TCF7L1: variants seen among roughly 807,000 people sequenced by gnomAD.
TCF7L1 encodes the protein transcription factor 7 like 1.
In TCF7L1, 18 loss-of-function variants were observed where a neutral mutation model predicts 63.7. The ratio of observed to expected loss-of-function variants is 0.28; its 90% CI spans 0.20 to 0.42. The LOEUF (loss-of-function observed/expected upper bound fraction) is 0.42. TCF7L1 is among the 10% of genes least tolerant of loss of function. TCF7L1 has a pLI of 1.00. For synonymous variants in TCF7L1, 355 were observed against 340.9 expected (o/e 1.04, Z -0.46); for missense variants, 654 against 779.3 (o/e 0.84, Z 1.91).
intron 3 of TCF7L1, among the ~76,000 whole-genome samples, chr2:85,243,881 CT>C (rs983230212): frequency 6.6e-6 from 1 of 152,188 alleles, no homozygotes; most frequent in African/African-American, 2.4e-5. Context: ...ACAGCACCCC[CT>C]GGGGGTGGGA....
chr2:85,219,684 A>G (rs968689615), intron 3 of TCF7L1, among the ~76,000 whole-genome samples: 1 of 152,208 alleles, frequency 6.6e-6, no homozygotes, highest in Non-Finnish European at 1.5e-5. Flanking sequence ...GTTTAAGACC[A>G]GCATGGGCAG....
chr2:85,304,119 C>A (rs1342771670), intron 6 of TCF7L1, 122 bp downstream of exon 6: 4 of 1,186,984 alleles, frequency 3.4e-6, no homozygotes, highest in Non-Finnish European at 4.9e-6. Context: ...GGCCTCCCTG[C>A]CCCCGCCCAG....
chr2:85,150,426 A>G (rs1307934354), intron 3 of TCF7L1, among the ~76,000 whole-genome samples: 3 of 151,820 alleles, frequency 2.0e-5, no homozygotes, highest in Non-Finnish European at 4.4e-5. Flanking sequence ...TAGAGACGGG[A>G]TTTCACCGTG....
chr2:85,195,063 T>C (rs747300381), intron 3 of TCF7L1, among the ~76,000 whole-genome samples: 1 of 152,224 alleles, frequency 6.6e-6, no homozygotes, highest in Non-Finnish European at 1.5e-5. Context: ...CCCTATGGCG[T>C]AGTGGCTGGG....
In TCF7L1 at chr2:85,258,395, T is replaced by C. The variant is rs149310562; in HGVS notation, c.442-25100T>C. ...CCCTGGACGTGCACCAAGCCACTGGTGTGCACACCTATAGGTTGAGATAGG... is the reference window on the plus strand; with the variant it reads ...CCCTGGACGTGCACCAAGCCACTGGCGTGCACACCTATAGGTTGAGATAGG... On this transcript the variant is annotated intron_variant, in intron 3 of 11. Coordinates refer to ENST00000282111, the MANE Select transcript of TCF7L1 (RefSeq NM_031283.3). 5.4e-3 allele frequency among the ~76,000 whole-genome samples: 815 copies of C among 152,228 alleles called. 6 individuals carry two copies. Among genetic ancestry groups the C allele is most frequent in the African/African-American group, 0.019 (782 of 41,522 alleles).
chr2:85,151,544 A>C (rs963095930), intron 3 of TCF7L1, among the ~76,000 whole-genome samples: 20 of 152,158 alleles, frequency 1.3e-4, no homozygotes, highest in Non-Finnish European at 2.6e-4. Flanking sequence ...CCTCATTTGC[A>C]GTTTCAAAAT....
chr2:85,180,514 G>C (rs1678779709), intron 3 of TCF7L1, among the ~76,000 whole-genome samples: 1 of 152,118 alleles, frequency 6.6e-6, no homozygotes, highest in Non-Finnish European at 1.5e-5. Flanking sequence ...ACCCCACACA[G>C]ATTTCTTGTG....
At chr2:85,148,880 TTCTC>T (rs1677942656) in intron 3 of TCF7L1, among the ~76,000 whole-genome samples, 1 of 151,056 alleles carries the variant, frequency 6.6e-6, no homozygotes, top group Admixed American at 6.6e-5. Context: ...GTTCAAGCGA[TTCTC>T]TCTCCTGCCT....
intron 3 of TCF7L1, among the ~76,000 whole-genome samples, chr2:85,241,437 G>GTTTTTTTTTTTTT (rs772334481): frequency 3.6e-5 from 3 of 83,068 alleles, no homozygotes; most frequent in Admixed American, 1.5e-4. Context: ...CTTTGTTTTT[G>GTTTTTTTTTTTTT]TTTTTTTTTT....
At chr2:85,248,204 G>A (rs574598381) in intron 3 of TCF7L1, among the ~76,000 whole-genome samples, 9 of 152,270 alleles carry the variant, frequency 5.9e-5, no homozygotes, top group Admixed American at 4.6e-4. Flanking sequence ...AAAGGCACAT[G>A]TTCCCCAAAT....
chr2:85,267,474 C>A (rs140963649), intron 3 of TCF7L1, among the ~76,000 whole-genome samples: 1,771 of 151,418 alleles, frequency 0.012, 28 homozygotes, highest in African/African-American at 0.041. Context: ...ACATGGTGAA[C>A]CCCTGTCTTT....
At chr2:85,281,616 G>A (rs2104366688) in intron 3 of TCF7L1, among the ~76,000 whole-genome samples, 1 of 152,264 alleles carries the variant, frequency 6.6e-6, no homozygotes, top group East Asian at 1.9e-4. Context: ...AGAGGACAGG[G>A]ACAGAGGTGA....
chr2:85,176,279 GTT>G (rs1252377108), intron 3 of TCF7L1, among the ~76,000 whole-genome samples: 2 of 152,190 alleles, frequency 1.3e-5, no homozygotes, highest in African/African-American at 4.8e-5. Flanking sequence ...CTGACCATAT[GTT>G]TACACTGCAG....
In TCF7L1 at chr2:85,306,907, G is replaced by A. The variant is rs1318741101; in HGVS notation, c.1257+348G>A. Among the ~76,000 whole-genome samples, 2 of 152,094 alleles carry A rather than the reference G, an allele frequency of 1.3e-5. No individual in the cohort carries two copies. Among genetic ancestry groups the A allele is most frequent in the South Asian group, 2.1e-4 (1 of 4,826 alleles). ...TCTCGAGCTCCTGACCTCGTGATCCGCCCACCTCGGCCTCCCAAAGCGCTG... is the reference window on the plus strand; with the variant it reads ...TCTCGAGCTCCTGACCTCGTGATCCACCCACCTCGGCCTCCCAAAGCGCTG... On this transcript the variant is annotated intron_variant, in intron 10 of 11. Coordinates refer to ENST00000282111, the MANE Select transcript of TCF7L1 (RefSeq NM_031283.3). The surrounding 1 kb of genome is among the most constrained non-coding windows in gnomAD (Gnocchi z 4.3).
intron 3 of TCF7L1, among the ~76,000 whole-genome samples, chr2:85,158,671 C>T (rs574018990): frequency 1.3e-5 from 2 of 152,292 alleles, no homozygotes; most frequent in Admixed American, 6.5e-5. Flanking sequence ...GATTTTCTAT[C>T]GTGGACATAT....
At chr2:85,285,616 T>C (rs1681527857) in intron 4 of TCF7L1, among the ~76,000 whole-genome samples, 1 of 152,230 alleles carries the variant, frequency 6.6e-6, no homozygotes, top group African/African-American at 2.4e-5. Flanking sequence ...AGAGTCCCAC[T>C]TGGGATAGCC....
chr2:85,193,560 C>G (rs1183520865), intron 3 of TCF7L1, among the ~76,000 whole-genome samples: 1 of 152,164 alleles, frequency 6.6e-6, no homozygotes, highest in African/African-American at 2.4e-5. Context: ...AGGGCATTAT[C>G]AGGACAGCTG....
intron 3 of TCF7L1, among the ~76,000 whole-genome samples, chr2:85,208,997 C>T (rs572166697): frequency 6.6e-6 from 1 of 152,206 alleles, no homozygotes; most frequent in Admixed American, 6.5e-5. Context: ...CATAGAATAA[C>T]GGGGTCAAAT....
At chr2:85,168,192 A>ACACACACACAC (rs1678464490) in intron 3 of TCF7L1, among the ~76,000 whole-genome samples, 1 of 145,604 alleles carries the variant, frequency 6.9e-6, no homozygotes, top group Non-Finnish European at 1.5e-5. Context: ...GTTCTTACCA[A>ACACACACACAC]ACACACACAC....
Sources: gnomAD v4.1 joint callset for allele counts (sites outside exome capture counted in the v4.1 genomes callset) on GRCh38, gnomAD v4.1.1 for gene constraint, Gnocchi (gnomAD v3.1) non-coding constraint, MANE v1.5 for transcripts, NCBI Gene and HGNC (gene_info 2026-07-23, HGNC 2026-07-21) for gene names.